Variants in WSCD1 observed in about 807,000 individuals in gnomAD.
The protein encoded by WSCD1 is WSC domain sialate O sulfotransferase 1, also known as sialate:O-sulfotransferase 1.
Under a neutral mutation model 60.4 loss-of-function variants are expected in WSCD1, and 41 were observed. The ratio of observed to expected loss-of-function variants is 0.68; its 90% CI spans 0.53 to 0.88. The LOEUF (loss-of-function observed/expected upper bound fraction) is 0.88, where lower values mean the gene tolerates loss of function less well. Ranked by LOEUF, WSCD1 falls within the 40% of genes least tolerant of loss-of-function variation. WSCD1 has a pLI of 0.00. For synonymous variants in WSCD1, 361 were observed against 332.5 expected (o/e 1.09, Z -0.93); for missense variants, 784 against 796.2 (o/e 0.98, Z 0.18).
At chr17:6,115,293 C>A (rs1351380941) in intron 7 of WSCD1, among the ~76,000 whole-genome samples, 5 of 152,212 alleles carry the variant, frequency 3.3e-5, no homozygotes, top group Non-Finnish European at 7.3e-5. Flanking sequence ...ATTTTTAGAA[C>A]CCTCAATAAT....
chr17:6,080,950 G>GGCCCC lies in WSCD1; in HGVS notation c.293_297dup (p.Arg100AlafsTer24). 1 of 1,560,522 alleles carries GGCCCC rather than the reference G, an allele frequency of 6.4e-7. No individual in the cohort carries two copies. On this transcript the variant is annotated frameshift_variant, in exon 2 of 9. Transcript: ENST00000317744. LOFTEE classifies it high-confidence loss of function. This position sits in a 1 kb window ranked among gnomAD's most constrained non-coding sequence, Gnocchi z 6.6. Reference sequence around the variant, plus strand: ...GAGCCCCCTGACCCGGCCCCGGCCCGGCCCCCGCTGGCTCCGGAGCCGCAA... The same window carrying GGCCCC: ...GAGCCCCCTGACCCGGCCCCGGCCCGGCCCCGCCCCCGCTGGCTCCGGAGCCGCAA...
chr17:6,109,505 C>T (rs1191520511), intron 5 of WSCD1, 102 bp from the exon 6 acceptor site: 4 of 1,484,522 alleles, frequency 2.7e-6, no homozygotes, highest in Non-Finnish European at 3.7e-6. Flanking sequence ...CATACAGATA[C>T]AGCTGGCAAT....
intron 3 of WSCD1, among the ~76,000 whole-genome samples, chr17:6,088,861 C>T (rs1288401784): frequency 6.6e-6 from 1 of 151,334 alleles, no homozygotes; most frequent in Non-Finnish European, 1.5e-5. Context: ...CCACTCACTG[C>T]AAGCTCCACC....
At chr17:6,088,601 C>T (rs1909812598) in intron 3 of WSCD1, among the ~76,000 whole-genome samples, 1 of 152,118 alleles carries the variant, frequency 6.6e-6, no homozygotes, top group South Asian at 2.1e-4. Context: ...CTGATACTTC[C>T]AGCTCACCCA....
At chr17:6,117,654 A>G (rs1017110184) in intron 7 of WSCD1, among the ~76,000 whole-genome samples, 4 of 152,358 alleles carry the variant, frequency 2.6e-5, no homozygotes, top group Non-Finnish European at 2.9e-5. Flanking sequence ...AATTATCTCT[A>G]TGAAGATGCC....
Position 6,080,991 on chromosome 17 carries a change from G to A in WSCD1, c.333G>A (p.Gln111=). The A allele has an allele frequency of 2.6e-6, 4 of 1,547,390 alleles. No individual in the cohort carries two copies. Among genetic ancestry groups the A allele is most frequent in the Non-Finnish European group, 3.5e-6 (4 of 1,148,482 alleles). Residue 111 remains glutamine, a synonymous_variant, in exon 2 of 9, where the codon CAG becomes CAA. Coordinates refer to ENST00000317744, the MANE Select transcript of WSCD1 (RefSeq NM_015253.2). This position sits in a 1 kb window ranked among gnomAD's most constrained non-coding sequence, Gnocchi z 6.6. ...WLRSRNSELR[Q]LRRRWFHHFM... ...GGAGCCGCAACTCGGAGCTGCGTCA[G>A]TTGCGTCGCCGCTGGTTCCACCACT...
chr17:6,107,938 C>A (rs1911189532), intron 5 of WSCD1, among the ~76,000 whole-genome samples: 1 of 152,170 alleles, frequency 6.6e-6, no homozygotes, highest in Admixed American at 6.5e-5. Context: ...ACTACCGAGG[C>A]TCAATAGCCT....
At chr17:6,077,592 A>G (rs1413273049) in intron 1 of WSCD1, among the ~76,000 whole-genome samples, 1 of 152,110 alleles carries the variant, frequency 6.6e-6, no homozygotes, top group African/African-American at 2.4e-5. Context: ...AGCGCCAGAA[A>G]ATACTTTGGA....
At chr17:6,090,267 C>T (rs896285881) in intron 3 of WSCD1, 54 bp from the exon 4 acceptor site, 8 of 1,490,400 alleles carry the variant, frequency 5.4e-6, no homozygotes, top group East Asian at 2.5e-5. Context: ...CAGTTTAGAC[C>T]GCAGCCCTAG....
chr17:6,089,603 C>T (rs1909893590), intron 3 of WSCD1, among the ~76,000 whole-genome samples: 1 of 152,180 alleles, frequency 6.6e-6, no homozygotes, highest in Non-Finnish European at 1.5e-5. Context: ...CCATGGGAAG[C>T]TGTTAAATGT....
chr17:6,094,609 AGAAG>A (rs769977095), intron 4 of WSCD1, among the ~76,000 whole-genome samples: 3 of 149,554 alleles, frequency 2.0e-5, no homozygotes, highest in Non-Finnish European at 3.0e-5. Flanking sequence ...GGAAGGAAGG[AGAAG>A]GAAGGAAGGA....
At chr17:6,107,400 C>T (rs1911147469) in intron 5 of WSCD1, among the ~76,000 whole-genome samples, 1 of 152,010 alleles carries the variant, frequency 6.6e-6, no homozygotes, top group Admixed American at 6.6e-5. Flanking sequence ...ATTCAGGAGG[C>T]TGAGGTAGGA....
At chr17:6,081,142 C>A in intron 2 of WSCD1, 57 bp downstream of exon 2, 1 of 1,483,376 alleles carries the variant, frequency 6.7e-7, no homozygotes, top group Admixed American at 2.4e-5. Context: ...TTCAGGGTCA[C>A]AGGTTTGGTG....
chr17:6,112,959 A>G (rs928754633), intron 7 of WSCD1, among the ~76,000 whole-genome samples: 2 of 152,342 alleles, frequency 1.3e-5, no homozygotes. Context: ...TAAAATTTGT[A>G]TGGAACCACA....
chr17:6,076,100 A>G (rs2150527046), intron 1 of WSCD1, among the ~76,000 whole-genome samples: 1 of 152,236 alleles, frequency 6.6e-6, no homozygotes, highest in African/African-American at 2.4e-5. Context: ...GGGGAGAGAA[A>G]TAGGAAGCTT....
intron 7 of WSCD1, among the ~76,000 whole-genome samples, chr17:6,114,007 A>G (rs1911557023): frequency 6.6e-6 from 1 of 152,170 alleles, no homozygotes; most frequent in Non-Finnish European, 1.5e-5. Context: ...TTCAAGGGAA[A>G]GGAAATGAGT....
At chr17:6,112,782 T>C (rs551124608) in intron 7 of WSCD1, among the ~76,000 whole-genome samples, 49 of 152,198 alleles carry the variant, frequency 3.2e-4, no homozygotes, top group Non-Finnish European at 6.2e-4. Context: ...AAAACACTTA[T>C]GAAATTGTAG....
At chr17:6,084,519 G>A (rs745732306) in intron 2 of WSCD1, among the ~76,000 whole-genome samples, 15 of 152,222 alleles carry the variant, frequency 9.9e-5, no homozygotes, top group Non-Finnish European at 2.1e-4. Context: ...ATCCTGTAAG[G>A]CGCGGAAGCT....
intron 5 of WSCD1, among the ~76,000 whole-genome samples, chr17:6,104,826 C>A (rs1910997453): frequency 1.3e-5 from 2 of 152,188 alleles, no homozygotes. Context: ...GACTTGGAGT[C>A]CAGAAGGCTG....
Sources: allele counts gnomAD v4.1 joint callset (sites outside exome capture counted in the v4.1 genomes callset), GRCh38; gene constraint gnomAD v4.1.1; non-coding constraint Gnocchi (gnomAD v3.1); transcripts MANE v1.5; gene names NCBI Gene and HGNC (gene_info 2026-07-23, HGNC 2026-07-21).